The following TMEM150B variants were observed in gnomAD, a reference collection of about 807,000 sequenced individuals.
TMEM150B encodes transmembrane protein 150B.
In TMEM150B, 33 loss-of-function variants were observed where a neutral mutation model predicts 25.2. The ratio of observed to expected loss-of-function variants is 1.31; its 90% CI spans 0.99 to 1.75. The LOEUF is 1.75. Among genes scored for constraint, TMEM150B ranks in the 40% most tolerant of loss-of-function variants. The pLI, the probability that TMEM150B is intolerant of heterozygous loss-of-function variation, is 0.00. For missense variants in TMEM150B, 322 were observed against 306.1 expected (o/e 1.05, Z -0.39); for synonymous variants, 133 against 134.8 (o/e 0.99, Z 0.09).
rs1600219835 is a variant in TMEM150B, at chr19:55,316,799, G to A, written c.492C>T (p.Ile164=). Residue 164 remains isoleucine (I), a synonymous_variant, in exon 7 of 8, where the codon ATC becomes ATT. Transcript: ENST00000326652. ...CAAGAAGGATACTGGCCACAATGAG[G>A]ATGGTGCAGACGCTGCAGAGGCCCA... The part of the protein sequence containing the change: ...LRLGLCSVCT[I]LIVAMIVLHA... 1.3e-6 allele frequency: 2 copies of A among 1,539,688 alleles called. No individual in the cohort carries two copies. The highest frequency in any genetic ancestry group is 1.3e-5 in the South Asian group (1 of 79,118).
chr19:55,312,443 C>G (rs560400837), downstream of TMEM150B: 97 of 186,632 alleles, frequency 5.2e-4, no homozygotes, highest in Middle Eastern at 3.9e-3. Flanking sequence ...TGGTCCTCCC[C>G]CCACGACCTT....
At chr19:55,315,855 G>A (rs902555284) in intron 7 of TMEM150B, among the ~76,000 whole-genome samples, 1 of 152,096 alleles carries the variant, frequency 6.6e-6, no homozygotes, top group African/African-American at 2.4e-5. Flanking sequence ...GCTTGAACCC[G>A]GGAGGCGGAG....
intron 7 of TMEM150B, among the ~76,000 whole-genome samples, chr19:55,314,599 C>T (rs947239759): frequency 1.3e-5 from 2 of 152,148 alleles, no homozygotes; most frequent in Non-Finnish European, 2.9e-5. Flanking sequence ...GTTCCCTCCC[C>T]CACCTACCCC....
At chr19:55,311,922 G>A (rs1351923748), downstream of TMEM150B, 2 of 1,611,576 alleles carry the variant, frequency 1.2e-6, no homozygotes, top group Non-Finnish European at 1.7e-6. Flanking sequence ...CGAGAAGAAC[G>A]GGGCCCAGAC....
At chr19:55,316,013 T>TG (rs11399466) in intron 7 of TMEM150B, among the ~76,000 whole-genome samples, 57,190 of 152,016 alleles carry the variant, frequency 0.38, 11,154 homozygotes, top group South Asian at 0.46. Flanking sequence ...GAGAGTGACC[T>TG]GACCCATCTA....
chr19:55,323,892 C>T (rs1264864921), intron 1 of TMEM150B, among the ~76,000 whole-genome samples: 1 of 147,856 alleles, frequency 6.8e-6, no homozygotes, highest in African/African-American at 2.5e-5. Context: ...CTGGGACCTC[C>T]ACCTCCTGGG....
rs748590717 is a variant in TMEM150B, at chr19:55,313,041, C to T, written c.520G>A (p.Ala174Thr). The change falls in exon 8 of 8, where the codon GCC becomes ACC. Residue 174 changes from alanine (A) to threonine (T), a missense_variant. By Grantham distance (58) the Ala-to-Thr change is moderately conservative (BLOSUM62 0). Transcript: ENST00000326652. ...GCAGAGACGCTACGCAGCGAGCAGG[C>T]GTGGAGGACGATCACTGCCCCAGGG... ...ILIVAMIVLH[A>T]CSLRSVSAAC... is the part of the protein sequence containing the mutation. 15 of 1,610,920 alleles carry T rather than the reference C, an allele frequency of 9.3e-6. 1 individual carries two copies. The highest frequency in any genetic ancestry group is 4.5e-5 in the East Asian group (2 of 44,778).
At position 55,325,173 on chromosome 19, in the gene TMEM150B, C is replaced by T. The variant is rs115957125; in HGVS notation, c.-154+99G>A. Reference sequence around the variant, plus strand: ...TGAGTTTGGCTCACTGGTGTCCCCACGGTGCTTATGTGACCTGCTTGGACC... The same window carrying T: ...TGAGTTTGGCTCACTGGTGTCCCCATGGTGCTTATGTGACCTGCTTGGACC... On this transcript the variant is annotated intron_variant, in intron 1 of 7. Transcript: ENST00000326652. The T allele has an allele frequency of 3.0e-4, 193 of 634,398 alleles. No individual in the cohort carries two copies. The African/African-American group carries it at 3.3e-3, about 11-fold the overall frequency. The allele number at this position is 634,398 out of a possible 1,614,324, so 39.3% of individuals were successfully genotyped here.
At chr19:55,316,667 G>T in intron 7 of TMEM150B, 119 bp downstream of exon 7, 1 of 1,112,410 alleles carries the variant, frequency 9.0e-7, no homozygotes, top group Non-Finnish European at 1.2e-6. Context: ...CCATAATCCT[G>T]TGCAAAGAGT....
At chr19:55,313,449 CTG>C (rs72239281) in intron 7 of TMEM150B, among the ~76,000 whole-genome samples, 54,646 of 151,736 alleles carry the variant, frequency 0.36, 10,221 homozygotes, top group South Asian at 0.46. Context: ...CAGCCTCGGA[CTG>C]TGTTTTGCAA....
At chr19:55,311,979 C>T (rs574851872), downstream of TMEM150B, 50 of 1,586,466 alleles carry the variant, frequency 3.2e-5, 1 homozygote, top group Middle Eastern at 1.7e-3. Flanking sequence ...CCCACCCGGC[C>T]GCCCAGACCC....
Position 55,320,625 on chromosome 19 carries a change from G to C in TMEM150B, c.69-8C>G. The C allele has an allele frequency of 6.2e-7, 1 of 1,611,772 alleles. No individual in the cohort carries two copies. The highest frequency in any genetic ancestry group is 8.5e-7 in the Non-Finnish European group (1 of 1,178,376). ...GTCACTGCAATGGCAAAACTACGGA[G>C]GAAATCAGAGTGAGTGGGCGACTCT... On this transcript the variant is annotated splice_region_variant and splice_polypyrimidine_tract_variant and intron_variant, in intron 3 of 7. Coordinates refer to ENST00000326652, the MANE Select transcript of TMEM150B (RefSeq NM_001282011.2).
downstream of TMEM150B, chr19:55,312,109 C>G: frequency 3.4e-6 from 3 of 883,714 alleles, no homozygotes; most frequent in East Asian, 3.1e-5. Flanking sequence ...CCTCCACCCC[C>G]CTTCCGTGCC....
At chr19:55,321,990 C>T (rs760866676) in intron 2 of TMEM150B, among the ~76,000 whole-genome samples, 1 of 152,156 alleles carries the variant, frequency 6.6e-6, no homozygotes, top group Non-Finnish European at 1.5e-5. Context: ...GAGCTTTCAG[C>T]GATGACATCT....
At chr19:55,318,319 A>G (rs1203119133) in intron 6 of TMEM150B, among the ~76,000 whole-genome samples, 1 of 152,100 alleles carries the variant, frequency 6.6e-6, no homozygotes, top group Non-Finnish European at 1.5e-5. Flanking sequence ...CCAAGATCTC[A>G]CCACTGCACT....
At chr19:55,321,653 G>T (rs1312846228) in intron 2 of TMEM150B, among the ~76,000 whole-genome samples, 1 of 152,050 alleles carries the variant, frequency 6.6e-6, no homozygotes, top group Non-Finnish European at 1.5e-5. Context: ...AACGTCCAAA[G>T]TCTCAGCCCT....
chr19:55,311,301 C>T (rs902291097), downstream of TMEM150B, among the ~76,000 whole-genome samples: 6 of 152,104 alleles, frequency 3.9e-5, no homozygotes, highest in Non-Finnish European at 5.9e-5. Flanking sequence ...GTCTCCGCCA[C>T]GGGACCTCAG....
chr19:55,313,181 C>G (rs79924802), intron 7 of TMEM150B, 126 bp from the exon 8 acceptor site: 12 of 968,066 alleles, frequency 1.2e-5, no homozygotes, highest in African/African-American at 5.0e-5. Flanking sequence ...CCCCTTCCCC[C>G]GTAGCTCCTC....
At chr19:55,323,235 T>C (rs2089251562) in intron 1 of TMEM150B, among the ~76,000 whole-genome samples, 1 of 152,106 alleles carries the variant, frequency 6.6e-6, no homozygotes, top group East Asian at 1.9e-4. Context: ...TGTTTGAGAC[T>C]AGCCTGGCCA....
Sources: allele counts gnomAD v4.1 joint callset (sites outside exome capture counted in the v4.1 genomes callset), GRCh38; gene constraint gnomAD v4.1.1; transcripts MANE v1.5; gene names NCBI Gene and HGNC (gene_info 2026-07-23, HGNC 2026-07-21).